SLC24A2: variants seen among roughly 807,000 people sequenced by gnomAD.
The protein encoded by SLC24A2 is sodium/potassium/calcium exchanger 2.
Under a neutral mutation model 62.0 loss-of-function variants are expected in SLC24A2, and 36 were observed. That is an observed-to-expected ratio of 0.58 (90% CI 0.44 to 0.77). SLC24A2 has a LOEUF of 0.77. Among genes scored for constraint, SLC24A2 ranks in the 30% least tolerant of loss-of-function variants. SLC24A2 has a pLI of 0.00. For missense variants in SLC24A2, 846 were observed against 817.9 expected (o/e 1.03, Z -0.42); for synonymous variants, 358 against 294.0 (o/e 1.22, Z -2.23).
the SLC24A2 span, among the ~76,000 whole-genome samples, chr9:20,284,816 C>A: frequency 6.6e-6 from 1 of 152,178 alleles, no homozygotes; most frequent in South Asian, 2.1e-4. Flanking sequence ...ACTGATTAGG[C>A]CCTAGCAAAT....
the SLC24A2 span, among the ~76,000 whole-genome samples, chr9:20,058,873 AC>A: frequency 6.6e-6 from 1 of 152,208 alleles, no homozygotes; most frequent in African/African-American, 2.4e-5. Context: ...CGATAGAATA[AC>A]ATCCATCATT....
At chr9:19,551,448 GCTGAGCCCTCAATACTT>G (rs1416080088) in intron 7 of SLC24A2, among the ~76,000 whole-genome samples, 1 of 152,136 alleles carries the variant, frequency 6.6e-6, no homozygotes, top group Non-Finnish European at 1.5e-5. Flanking sequence ...TAGCCTGTCA[GCTGAGCCCTCAATACTT>G]CCAAAACAGC....
At chr9:19,804,016 TC>T in the SLC24A2 span, among the ~76,000 whole-genome samples, 2 of 152,194 alleles carry the variant, frequency 1.3e-5, no homozygotes, top group East Asian at 3.8e-4. Context: ...AATAAACTAA[TC>T]TGGTACATCT....
At chr9:19,763,331 T>A (rs745607699) in intron 2 of SLC24A2, among the ~76,000 whole-genome samples, 8 of 152,252 alleles carry the variant, frequency 5.3e-5, no homozygotes, top group Non-Finnish European at 1.0e-4. Context: ...CTAATTGCCC[T>A]GGCCAGAACT....
the SLC24A2 span, among the ~76,000 whole-genome samples, chr9:20,021,169 G>C: frequency 3.3e-5 from 5 of 152,078 alleles, no homozygotes; most frequent in African/African-American, 1.2e-4. Context: ...ACAAATAATA[G>C]AATAATTTTT....
chr9:20,205,760 T>C, the SLC24A2 span, among the ~76,000 whole-genome samples: 1 of 151,798 alleles, frequency 6.6e-6, no homozygotes, highest in Admixed American at 6.6e-5. Flanking sequence ...GAGACTGACA[T>C]GTTAAAGAAA....
At chr9:19,991,742 G>C in the SLC24A2 span, among the ~76,000 whole-genome samples, 2 of 152,178 alleles carry the variant, frequency 1.3e-5, no homozygotes, top group South Asian at 2.1e-4. Context: ...GAGGTTTTAA[G>C]TGAAAAAGCA....
the SLC24A2 span, among the ~76,000 whole-genome samples, chr9:19,860,717 C>G: frequency 2.2e-3 from 336 of 152,202 alleles, 1 homozygote; most frequent in Non-Finnish European, 3.4e-3. Flanking sequence ...GCACAGTCCC[C>G]GATGGGTGAG....
chr9:19,825,522 G>A, the SLC24A2 span, among the ~76,000 whole-genome samples: 2 of 151,984 alleles, frequency 1.3e-5, no homozygotes, highest in African/African-American at 4.8e-5. Flanking sequence ...GGGATATAGG[G>A]TCTAACTGAG....
chr9:20,065,616 A>G, the SLC24A2 span, among the ~76,000 whole-genome samples: 48 of 152,356 alleles, frequency 3.2e-4, no homozygotes, highest in African/African-American at 1.1e-3. Context: ...CTGGGGTTCA[A>G]AAATCTTTTT....
chr9:19,708,691 C>T (rs1002601329), intron 2 of SLC24A2, among the ~76,000 whole-genome samples: 1 of 152,172 alleles, frequency 6.6e-6, no homozygotes, highest in African/African-American at 2.4e-5. Flanking sequence ...GCTGGGAAAA[C>T]TGGCTAGCCA....
At chr9:20,058,663 C>T in the SLC24A2 span, among the ~76,000 whole-genome samples, 4 of 152,184 alleles carry the variant, frequency 2.6e-5, no homozygotes, top group African/African-American at 4.8e-5. Flanking sequence ...CGTCTGTAAT[C>T]TTAGCACTTT....
At chr9:20,075,399 T>A in the SLC24A2 span, among the ~76,000 whole-genome samples, 12 of 152,166 alleles carry the variant, frequency 7.9e-5, no homozygotes, top group Admixed American at 2.0e-4. Context: ...GCAGCAAAGT[T>A]CAAATGTGAA....
chr9:19,557,737 C>T (rs1835166418), intron 7 of SLC24A2, among the ~76,000 whole-genome samples: 1 of 146,712 alleles, frequency 6.8e-6, no homozygotes, highest in Non-Finnish European at 1.5e-5. Flanking sequence ...AGTAATGAAA[C>T]ATTTAATTGA....
chr9:20,202,277 T>C, the SLC24A2 span, among the ~76,000 whole-genome samples: 1 of 152,222 alleles, frequency 6.6e-6, no homozygotes, highest in Admixed American at 6.5e-5. Flanking sequence ...GGACTGCTTG[T>C]TTGGCATTTC....
At chr9:19,686,236 G>T (rs1033436834) in intron 2 of SLC24A2, among the ~76,000 whole-genome samples, 2 of 152,068 alleles carry the variant, frequency 1.3e-5, no homozygotes, top group African/African-American at 4.8e-5. Flanking sequence ...AGTCATAATG[G>T]CTATTATAAA....
At chr9:19,943,382 G>T in the SLC24A2 span, among the ~76,000 whole-genome samples, 117,927 of 152,102 alleles carry the variant, frequency 0.78, 46,661 homozygotes, top group Non-Finnish European at 0.87. Flanking sequence ...CTATTCTAGC[G>T]ATCTTTCATA....
chr9:19,798,598 C>A, the SLC24A2 span, among the ~76,000 whole-genome samples: 1 of 146,448 alleles, frequency 6.8e-6, no homozygotes, highest in Non-Finnish European at 1.5e-5. Context: ...ATCCTTTATA[C>A]CACACACACA....
chr9:20,094,320 T>C, the SLC24A2 span, among the ~76,000 whole-genome samples: 82 of 152,318 alleles, frequency 5.4e-4, no homozygotes, highest in African/African-American at 1.9e-3. Flanking sequence ...AAAGAACAAC[T>C]AACAGATAAA....
Sources: allele counts gnomAD v4.1 joint callset (sites outside exome capture counted in the v4.1 genomes callset), GRCh38; gene constraint gnomAD v4.1.1; transcripts MANE v1.5; gene names NCBI Gene and HGNC (gene_info 2026-07-23, HGNC 2026-07-21).